DSCAM: variants seen among roughly 807,000 people sequenced by gnomAD.
DSCAM encodes DS cell adhesion molecule.
In DSCAM, 47 loss-of-function variants were observed where a neutral mutation model predicts 217.7. That is an observed-to-expected ratio of 0.22 (90% confidence interval 0.17 to 0.28). DSCAM has a LOEUF of 0.28. DSCAM is among the 10% of genes least tolerant of loss of function. The pLI is 1.00. For missense variants in DSCAM, 2,080 were observed against 2,618.3 expected (o/e 0.79, Z 4.49); for synonymous variants, 1,056 against 1,015.3 (o/e 1.04, Z -0.76).
intron 6 of DSCAM, among the ~76,000 whole-genome samples, chr21:40,346,415 CA>C (rs2074558518): frequency 6.6e-6 from 1 of 152,218 alleles, no homozygotes; most frequent in Non-Finnish European, 1.5e-5. Flanking sequence ...GTCTTATAAT[CA>C]AGATATATTT....
chr21:40,534,209 T>C (rs1164550523), intron 3 of DSCAM, among the ~76,000 whole-genome samples: 2 of 152,212 alleles, frequency 1.3e-5, no homozygotes, highest in Admixed American at 6.5e-5. Flanking sequence ...ATAACTAGAA[T>C]AGAAAATTTG....
At chr21:40,663,464 A>G (rs1049286782) in intron 3 of DSCAM, among the ~76,000 whole-genome samples, 1 of 152,112 alleles carries the variant, frequency 6.6e-6, no homozygotes, top group African/African-American at 2.4e-5. Context: ...TGGACCACGT[A>G]CATCTATAGA....
chr21:40,314,267 C>T (rs1217274292), intron 8 of DSCAM, among the ~76,000 whole-genome samples: 3 of 152,150 alleles, frequency 2.0e-5, no homozygotes, highest in African/African-American at 7.2e-5. Context: ...CAAGTACAGC[C>T]AGAGGTCGAA....
intron 3 of DSCAM, among the ~76,000 whole-genome samples, chr21:40,623,089 C>A (rs913427563): frequency 1.3e-5 from 2 of 152,168 alleles, no homozygotes; most frequent in Non-Finnish European, 2.9e-5. Flanking sequence ...AGTAAAATGA[C>A]TCCTGTCCAG....
rs771322621 is a variant in DSCAM at position 40,714,677 on chromosome 21, TC to T, written c.44-5907del. 1.8e-4 allele frequency among the ~76,000 whole-genome samples: 28 copies of T among 152,336 alleles called. No homozygotes were observed. The East Asian group carries it at 5.4e-3, about 29-fold the overall frequency. ...TGGAGGGAATTTGCCTCTAGATGAA[TC>T]ATGCCTGAGTCTCACTCATATCTGA... is the stretch of plus-strand genomic sequence containing the variant. On this transcript the variant is annotated intron_variant, in intron 1 of 32. Coordinates refer to ENST00000400454, the MANE Select transcript of DSCAM (RefSeq NM_001389.5).
At chr21:40,823,602 G>A (rs2178826) in intron 1 of DSCAM, among the ~76,000 whole-genome samples, 144,921 of 152,292 alleles carry the variant, frequency 0.95, 69,008 homozygotes, top group African/African-American at 0.98. Flanking sequence ...ATAGCTTTAT[G>A]CTAACAGGAA....
intron 3 of DSCAM, among the ~76,000 whole-genome samples, chr21:40,642,220 A>G (rs1047419229): frequency 1.3e-5 from 2 of 152,084 alleles, no homozygotes; most frequent in African/African-American, 4.8e-5. Flanking sequence ...GAAGACTTCA[A>G]TACTGGTGTT....
intron 3 of DSCAM, among the ~76,000 whole-genome samples, chr21:40,689,967 C>A (rs1412445370): frequency 1.3e-5 from 2 of 152,164 alleles, no homozygotes; most frequent in Non-Finnish European, 2.9e-5. Flanking sequence ...TGGCTCAGCC[C>A]CAGCCAGTGT....
chr21:40,567,619 TC>T (rs1448762989), intron 3 of DSCAM, among the ~76,000 whole-genome samples: 1 of 152,088 alleles, frequency 6.6e-6, no homozygotes, highest in African/African-American at 2.4e-5. Context: ...CTCATCTCAT[TC>T]CCCCTACTTA....
At chr21:40,434,599 T>C (rs1374764741) in intron 3 of DSCAM, among the ~76,000 whole-genome samples, 2 of 151,996 alleles carry the variant, frequency 1.3e-5, no homozygotes, top group East Asian at 3.9e-4. Context: ...AGGTGAGCAA[T>C]TTTCCTAATC....
chr21:40,821,282 A>G (rs932108073), intron 1 of DSCAM, among the ~76,000 whole-genome samples: 1 of 151,946 alleles, frequency 6.6e-6, no homozygotes, highest in Admixed American at 6.6e-5. Flanking sequence ...CTTTGCTCTG[A>G]GAGTCCTTAA....
chr21:40,620,232 AAGAAAGAGAG>A lies in DSCAM; in HGVS notation c.508+72568_508+72577del, dbSNP rs1383449496. 2.7e-3 allele frequency among the ~76,000 whole-genome samples: 294 copies of A among 109,284 alleles called. 7 individuals carry two copies. Among genetic ancestry groups the A allele is most frequent in the African/African-American group, 0.011 (267 of 23,912 alleles). The allele number at this position is 109,284 out of a possible 152,430, so 71.7% of individuals were successfully genotyped here. ...GAAAGAGAGAGAAAAAAGAAAAAGA[AAGAAAGAGAG>A]AGAAAGAGAGAGAAAAAAGAAAAAG... On this transcript the variant is annotated intron_variant, in intron 3 of 32. Transcript: ENST00000400454.
chr21:40,164,001 C>G (rs578243141), intron 16 of DSCAM, among the ~76,000 whole-genome samples: 1 of 152,326 alleles, frequency 6.6e-6, no homozygotes, highest in African/African-American at 2.4e-5. Flanking sequence ...ACTCACCTCT[C>G]CTTCACTTAC....
rs1434667513 is a variant in DSCAM at position 40,339,264 on chromosome 21, G to A, written c.1362C>T (p.Arg454=). The A allele has an allele frequency of 6.2e-7, 1 of 1,614,182 alleles. No homozygotes were observed. The highest frequency in any genetic ancestry group is 8.5e-7 in the Non-Finnish European group (1 of 1,180,036). ...CCTCCGACGTGATCATCTGGCTGAT[G>A]CGGTGACTGCCACCCTTGAGAATCG... ...DDPILKGGSH[R]ISQMITSEGN... Residue 454 remains arginine (R), a synonymous_variant, in exon 7 of 33, where the codon CGC becomes CGT. Transcript: ENST00000400454.
At chr21:40,614,744 C>T (rs532814135) in intron 3 of DSCAM, among the ~76,000 whole-genome samples, 105 of 152,242 alleles carry the variant, frequency 6.9e-4, no homozygotes, top group African/African-American at 1.8e-3. Flanking sequence ...GAATACCATG[C>T]GGCCATTCTA....
At chr21:40,409,049 C>T (rs867984794) in intron 3 of DSCAM, among the ~76,000 whole-genome samples, 1 of 151,996 alleles carries the variant, frequency 6.6e-6, no homozygotes, top group East Asian at 1.9e-4. Context: ...TTAATGCTTA[C>T]AAAGAAAGAA....
intron 3 of DSCAM, among the ~76,000 whole-genome samples, chr21:40,455,764 C>T (rs2145938202): frequency 6.6e-6 from 1 of 151,368 alleles, no homozygotes; most frequent in Admixed American, 6.6e-5. Flanking sequence ...GTGAGGCTCT[C>T]TCTCAAAAAA....
At chr21:40,801,385 T>C (rs146678040) in intron 1 of DSCAM, among the ~76,000 whole-genome samples, 2 of 152,312 alleles carry the variant, frequency 1.3e-5, no homozygotes, top group East Asian at 3.9e-4. Flanking sequence ...AATAAGTGTG[T>C]TCAGGAGAGA....
chr21:40,705,128 A>C (rs1468759299), intron 2 of DSCAM, among the ~76,000 whole-genome samples: 1 of 152,240 alleles, frequency 6.6e-6, no homozygotes, highest in Non-Finnish European at 1.5e-5. Flanking sequence ...GAACTAGTTG[A>C]GAGGAGGGCT....
Sources: gnomAD v4.1 joint callset for allele counts (sites outside exome capture counted in the v4.1 genomes callset) on GRCh38, gnomAD v4.1.1 for gene constraint, MANE v1.5 for transcripts, NCBI Gene and HGNC (gene_info 2026-07-23, HGNC 2026-07-21) for gene names.